The following PDZRN4 variants were observed in gnomAD, a reference collection of about 807,000 sequenced individuals.
PDZRN4 encodes the protein PDZ domain containing ring finger 4.
PDZRN4 carries 70 observed loss-of-function variants against 99.0 expected under a neutral mutation model. The observed-to-expected ratio is 0.71, with a 90% CI of 0.58 to 0.86. The LOEUF is 0.86. PDZRN4 is among the 40% of genes least tolerant of loss of function. PDZRN4 has a pLI of 0.00. For synonymous variants in PDZRN4, 551 were observed against 501.6 expected (o/e 1.10, Z -1.32); for missense variants, 1,474 against 1,331.2 (o/e 1.11, Z -1.67).
chr12:41,205,544 C>G (rs1950843262), intron 3 of PDZRN4, among the ~76,000 whole-genome samples: 2 of 151,894 alleles, frequency 1.3e-5, no homozygotes, highest in African/African-American at 4.8e-5. Flanking sequence ...TTTCCCGTCT[C>G]AAGGACTTCT....
At chr12:41,532,096 T>G (rs1938671236) in intron 5 of PDZRN4, among the ~76,000 whole-genome samples, 1 of 152,176 alleles carries the variant, frequency 6.6e-6, no homozygotes, top group Admixed American at 6.5e-5. Flanking sequence ...CAGAGATTAT[T>G]TTTTACTGTG....
intron 3 of PDZRN4, among the ~76,000 whole-genome samples, chr12:41,196,514 A>G (rs1463695566): frequency 6.6e-6 from 1 of 152,126 alleles, no homozygotes; most frequent in Non-Finnish European, 1.5e-5. Context: ...AAAGAAGATT[A>G]TTAGAAATAA....
At chr12:41,568,745 ATTTTG>A (rs1456509230) in intron 9 of PDZRN4, among the ~76,000 whole-genome samples, 1 of 151,894 alleles carries the variant, frequency 6.6e-6, no homozygotes, top group South Asian at 2.1e-4. Flanking sequence ...GCCTGATATA[ATTTTG>A]TTTTCAGTTT....
At chr12:41,501,814 G>A (rs1288346003) in intron 3 of PDZRN4, among the ~76,000 whole-genome samples, 1 of 152,140 alleles carries the variant, frequency 6.6e-6, no homozygotes, top group Non-Finnish European at 1.5e-5. Context: ...GATCTGAATT[G>A]ATAAGTGCAG....
In PDZRN4 at chr12:41,197,920, G is replaced by GT. The variant is rs533696414; in HGVS notation, c.843+3743dup. Among the ~76,000 whole-genome samples, 322 of 115,584 alleles carry GT rather than the reference G, an allele frequency of 2.8e-3. 14 individuals carry two copies. In the East Asian group the frequency reaches 0.052, roughly 19 times the overall value. 75.8% of individuals were successfully genotyped at this position (115,584 alleles called of 152,430 possible). A position where few individuals can be genotyped will look rare whatever the true frequency, so the allele number is the denominator to read the frequency against. ...TTCTTCTTTTCCTTGTTTTTTCTGGGTTTTTTTTTTTGGAGACAGGATCTT... is the reference window on the plus strand; with the variant it reads ...TTCTTCTTTTCCTTGTTTTTTCTGGGTTTTTTTTTTTTGGAGACAGGATCTT... On this transcript the variant is annotated intron_variant, in intron 3 of 9. Coordinates refer to ENST00000402685, the MANE Select transcript of PDZRN4 (RefSeq NM_001164595.2).
intron 3 of PDZRN4, among the ~76,000 whole-genome samples, chr12:41,364,585 A>G (rs932347353): frequency 6.6e-6 from 1 of 152,126 alleles, no homozygotes; most frequent in Admixed American, 6.6e-5. Flanking sequence ...GAGCATCTCT[A>G]ACAGCTTTCT....
Position 41,289,665 on chromosome 12 carries a change from G to A in PDZRN4, c.843+95477G>A, listed in dbSNP as rs150402397. On this transcript the variant is annotated intron_variant, in intron 3 of 9. Coordinates refer to ENST00000402685, the MANE Select transcript of PDZRN4 (RefSeq NM_001164595.2). ...CTTGCAAGGCACGGCATGCTTTCACGCATTTCAAATGGCTTGTGTGTGGCC... is the reference window on the plus strand; with the variant it reads ...CTTGCAAGGCACGGCATGCTTTCACACATTTCAAATGGCTTGTGTGTGGCC... Among the ~76,000 whole-genome samples the A allele has an allele frequency of 2.0e-3, 307 of 152,274 alleles. 1 individual carries two copies. The highest frequency in any genetic ancestry group is 0.017 in the East Asian group (89 of 5,184).
intron 3 of PDZRN4, among the ~76,000 whole-genome samples, chr12:41,302,091 T>C (rs930071960): frequency 6.6e-5 from 10 of 152,050 alleles, no homozygotes; most frequent in Non-Finnish European, 1.2e-4. Context: ...TGTGTGTATA[T>C]GTGTCTGATT....
intron 3 of PDZRN4, among the ~76,000 whole-genome samples, chr12:41,275,804 G>A (rs143871813): frequency 1.3e-4 from 20 of 152,234 alleles, no homozygotes; most frequent in African/African-American, 4.3e-4. Context: ...TTTCAGTGAT[G>A]AGTATAAAGC....
At position 41,281,551 on chromosome 12, in the gene PDZRN4, A is replaced by C. The variant is rs1951385979; in HGVS notation, c.843+87363A>C. Among the ~76,000 whole-genome samples, 3 of 152,216 alleles carry C rather than the reference A, an allele frequency of 2.0e-5. No individual in the cohort carries two copies. In the South Asian group the frequency reaches 6.2e-4, roughly 32 times the overall value. On this transcript the variant is annotated intron_variant, in intron 3 of 9. Coordinates refer to ENST00000402685, the MANE Select transcript of PDZRN4 (RefSeq NM_001164595.2). ...ACCCGATGGAGCTGAAAAACATAGCACAAGAACTTCGCAAAGCATACACAA... is the reference window on the plus strand; with the variant it reads ...ACCCGATGGAGCTGAAAAACATAGCCCAAGAACTTCGCAAAGCATACACAA...
Position 41,213,341 on chromosome 12 carries a change from T to C in PDZRN4, c.843+19153T>C, listed in dbSNP as rs189897112. 1.8e-4 allele frequency among the ~76,000 whole-genome samples: 28 copies of C among 152,102 alleles called. No homozygotes were observed. In the East Asian group the frequency reaches 5.3e-3, roughly 29 times the overall value. On this transcript the variant is annotated intron_variant, in intron 3 of 9. Transcript: ENST00000402685. ...GTGGTTTCGATGAGGGGTTTGGCAG[T>C]AGAGAGAAAACCCACGGCTTCAACA...
At chr12:41,303,164 A>G (rs1011127460) in intron 3 of PDZRN4, among the ~76,000 whole-genome samples, 1 of 152,188 alleles carries the variant, frequency 6.6e-6, no homozygotes, top group Non-Finnish European at 1.5e-5. Flanking sequence ...ACTCCACAGT[A>G]GTTACAATGA....
At chr12:41,196,866 T>C (rs890433531) in intron 3 of PDZRN4, among the ~76,000 whole-genome samples, 1 of 152,076 alleles carries the variant, frequency 6.6e-6, no homozygotes, top group Non-Finnish European at 1.5e-5. Flanking sequence ...GATTTGTTCA[T>C]TGAACAAATT....
chr12:41,500,726 C>G (rs1348810930), intron 3 of PDZRN4, among the ~76,000 whole-genome samples: 1 of 151,856 alleles, frequency 6.6e-6, no homozygotes, highest in East Asian at 1.9e-4. Context: ...TAGAGTCAAT[C>G]ATACCAAAGT....
chr12:41,320,252 A>G (rs1171361810), intron 3 of PDZRN4, among the ~76,000 whole-genome samples: 1 of 151,936 alleles, frequency 6.6e-6, no homozygotes, highest in Non-Finnish European at 1.5e-5. Context: ...ATGCTATTGG[A>G]CTCACAGACC....
intron 3 of PDZRN4, among the ~76,000 whole-genome samples, chr12:41,336,325 G>A (rs1205963879): frequency 6.6e-6 from 1 of 152,134 alleles, no homozygotes; most frequent in Non-Finnish European, 1.5e-5. Context: ...GGCTAGCTCA[G>A]TTGCTGAGCT....
chr12:41,263,984 C>T (rs1029675565), intron 3 of PDZRN4, among the ~76,000 whole-genome samples: 4 of 152,132 alleles, frequency 2.6e-5, no homozygotes, highest in Non-Finnish European at 5.9e-5. Context: ...GAAAAACACA[C>T]CCTTGACTTA....
At chr12:41,336,447 T>G (rs1006464390) in intron 3 of PDZRN4, among the ~76,000 whole-genome samples, 2 of 152,100 alleles carry the variant, frequency 1.3e-5, no homozygotes, top group South Asian at 4.1e-4. Context: ...GTTCTCCATA[T>G]AAGGAAGTGT....
intron 3 of PDZRN4, among the ~76,000 whole-genome samples, chr12:41,397,149 T>C (rs1430790956): frequency 3.3e-5 from 5 of 152,198 alleles, no homozygotes; most frequent in Non-Finnish European, 7.3e-5. Context: ...GATAACTCTA[T>C]TTCTAAATTC....
Sources: gnomAD v4.1 joint callset for allele counts (sites outside exome capture counted in the v4.1 genomes callset) on GRCh38, gnomAD v4.1.1 for gene constraint, MANE v1.5 for transcripts, NCBI Gene and HGNC (gene_info 2026-07-23, HGNC 2026-07-21) for gene names.